The following B4GALNT4 variants were observed in gnomAD, a reference collection of about 807,000 sequenced individuals.
B4GALNT4 encodes N-acetyl-beta-glucosaminyl-glycoprotein 4-beta-N-acetylgalactosaminyltransferase 1.
A neutral mutation model predicts 110.0 loss-of-function variants in B4GALNT4; 77 were observed. The observed-to-expected ratio is 0.70, with a 90% CI of 0.58 to 0.85. The LOEUF (loss-of-function observed/expected upper bound fraction) is 0.85. B4GALNT4 is among the 40% of genes least tolerant of loss of function. B4GALNT4 has a pLI of 0.00. For synonymous variants in B4GALNT4, 785 were observed against 655.5 expected, an observed-to-expected ratio of 1.20 and a Z score of -3.02; for missense variants, 1,575 against 1,506.0, an observed-to-expected ratio of 1.05 and a Z score of -0.76.
chr11:380,595 C>T, intron 18 of B4GALNT4, 150 bp downstream of exon 18: 1 of 1,288,292 alleles, frequency 7.8e-7, no homozygotes, highest in South Asian at 1.3e-5. Context: ...AGTCCCCCCG[C>T]ACCAGCACAC....
intron 19 of B4GALNT4, among the ~76,000 whole-genome samples, chr11:381,382 TTCCTGACCACCTCTCCGC>T (rs1846873247): frequency 4.8e-4 from 14 of 28,962 alleles, no homozygotes; most frequent in Middle Eastern, 0.02. Context: ...CGGCCCCGGG[TTCCTGACCACCTCTCCGC>T]CCCCGGCCCC....
rs759462343 is a variant in B4GALNT4, at chr11:372,132, A to G, written c.175A>G (p.Thr59Ala). 6.5e-7 allele frequency: 1 copy of G among 1,549,624 alleles called. No individual in the cohort carries two copies. The highest frequency in any genetic ancestry group is 8.7e-7 in the Non-Finnish European group (1 of 1,146,808). Residue 59 changes from threonine to alanine, a missense_variant, in exon 2 of 20, where the codon ACC becomes GCC. Physicochemically the swap from Thr to Ala is moderately conservative, Grantham distance 58. Transcript: ENST00000329962. The part of the protein sequence containing the change: ...GRDGEKLTSE[T>A]DGRGVHAAPS... The stretch of plus-strand genomic sequence containing the variant: ...AGATGGTGAGAAGCTGACCAGTGAG[A>G]CCGACGGCCGGGGGGTCCACGCTGC...
In B4GALNT4 at chr11:379,949, G is replaced by C. The variant is rs201943669; in HGVS notation, c.2572G>C (p.Val858Leu). 952 of 1,612,344 alleles carry C rather than the reference G, an allele frequency of 5.9e-4. 9 individuals are homozygous for C. Among genetic ancestry groups the C allele is most frequent in the Non-Finnish European group, 9.8e-5 (116 of 1,179,854 alleles). ...HARTGDSRFS[V>L]VLVDFESEDM... ...GCGCACCGGGGACTCGCGTTTCAGC[G>C]TCGTCCTGGTGGATTTCGAGAGCGA... is the stretch of plus-strand genomic sequence containing the variant. The change falls in exon 16 of 20, where the codon GTC becomes CTC. Residue 858 changes from valine to leucine, a missense_variant. Val to Leu is a conservative substitution (Grantham distance 32). Transcript: ENST00000329962.
chr11:373,895 G>T (rs964553982), intron 8 of B4GALNT4, 67 bp downstream of exon 8: 29 of 1,497,194 alleles, frequency 1.9e-5, no homozygotes, highest in Admixed American at 1.2e-4. Flanking sequence ...CAGGACAACC[G>T]CAATGGGGTC....
In B4GALNT4 at chr11:375,765, T is replaced by C; in HGVS notation, c.977T>C (p.Phe326Ser). The C allele has an allele frequency of 6.3e-7, 1 of 1,598,366 alleles. No homozygotes were observed. Among genetic ancestry groups the C allele is most frequent in the Non-Finnish European group, 8.5e-7 (1 of 1,175,992 alleles). Residue 326 changes from phenylalanine (F) to serine (S), a missense_variant, in exon 10 of 20, where the codon TTT (phenylalanine) becomes TCT (serine). By Grantham distance (155) the Phe-to-Ser change is radical (BLOSUM62 -2). Coordinates refer to ENST00000329962, the MANE Select transcript of B4GALNT4 (RefSeq NM_178537.5). ...CTGCGGCCAGATCCCAGGGATACCTTTTTCCTCAGTGAGAGGGGGCCCGCG... is the reference window on the plus strand; with the variant it reads ...CTGCGGCCAGATCCCAGGGATACCTCTTTCCTCAGTGAGAGGGGGCCCGCG... ...DMLRPDPRDTFFLTPRMESSS... is the reference protein window; with the variant it reads ...DMLRPDPRDTSFLTPRMESSS...
Position 372,737 on chromosome 11 carries a change from C to A in B4GALNT4, c.331C>A (p.Pro111Thr), listed in dbSNP as rs1846639329. The A allele has an allele frequency of 3.1e-6, 5 of 1,610,746 alleles. No homozygotes were observed. Among genetic ancestry groups the A allele is most frequent in the Non-Finnish European group, 4.2e-6 (5 of 1,179,370 alleles). Reference sequence around the variant, plus strand: ...GCCACTGAACTTCACCCATCAGACACCCCCATGGCGGGAGGAGGTGAGCTG... The same window carrying A: ...GCCACTGAACTTCACCCATCAGACAACCCCATGGCGGGAGGAGGTGAGCTG... Reference protein sequence around the residue: ...RLPLNFTHQTPPWREEYKGQV... With the variant: ...RLPLNFTHQTTPWREEYKGQV... Residue 111 changes from proline (P) to threonine (T), a missense_variant, in exon 3 of 20, where the codon CCC (proline) becomes ACC (threonine). Physicochemically the swap from Pro to Thr is conservative, Grantham distance 38 (BLOSUM62 -1). Coordinates refer to ENST00000329962, the MANE Select transcript of B4GALNT4 (RefSeq NM_178537.5).
At chr11:371,516 G>A (rs1176783949) in intron 1 of B4GALNT4, among the ~76,000 whole-genome samples, 1 of 152,100 alleles carries the variant, frequency 6.6e-6, no homozygotes, top group East Asian at 1.9e-4. Flanking sequence ...GCCCCTCCTG[G>A]TCCTCCTACC....
chr11:373,541 C>T (rs367880649), intron 7 of B4GALNT4, 25 bp downstream of exon 7: 119 of 1,609,316 alleles, frequency 7.4e-5, no homozygotes, highest in East Asian at 2.2e-4. Context: ...GGTGCATGTG[C>T]GTGCACTTGT....
chr11:372,257 C>A (rs998062525), intron 2 of B4GALNT4, 45 bp downstream of exon 2: 2 of 1,512,730 alleles, frequency 1.3e-6, no homozygotes, highest in African/African-American at 1.4e-5. Flanking sequence ...GAGACGAGAC[C>A]CCGAAGCCAC....
chr11:373,674 G>A (rs781387302), intron 7 of B4GALNT4, 76 bp from the exon 8 acceptor site: 212 of 1,556,338 alleles, frequency 1.4e-4, no homozygotes, highest in Non-Finnish European at 1.7e-4. Flanking sequence ...GGGTGTGGGA[G>A]CCACCTGCCC....
rs868747029 is a variant in B4GALNT4 at position 372,552 on chromosome 11, G to A, written c.256-110G>A. ...CATGGCTGGGGCTCACGGGCATTTA[G>A]GGCTGTGTGGATACATGTTGGAAGG... On this transcript the variant is annotated intron_variant, in intron 2 of 19. Coordinates refer to ENST00000329962, the MANE Select transcript of B4GALNT4 (RefSeq NM_178537.5). 3.2e-4 allele frequency: 311 copies of A among 966,388 alleles called. 2 individuals are homozygous for A. Among genetic ancestry groups the A allele is most frequent in the Middle Eastern group, 2.2e-3 (8 of 3,708 alleles). 59.9% of individuals were successfully genotyped at this position (966,388 alleles called of 1,614,324 possible). A position where few individuals can be genotyped will look rare whatever the true frequency, so the allele number is the denominator to read the frequency against.
At chr11:372,828 A>T (rs769853871) in intron 3 of B4GALNT4, 24 bp from the exon 4 acceptor site, 1 of 1,587,146 alleles carries the variant, frequency 6.3e-7, no homozygotes, top group Non-Finnish European at 8.6e-7. Flanking sequence ...GGCCGTGCAG[A>T]AGGTAAGGCC....
At chr11:370,147 G>A (rs1361017694) in intron 1 of B4GALNT4, among the ~76,000 whole-genome samples, 193 bp downstream of exon 1, 2 of 151,244 alleles carry the variant, frequency 1.3e-5, no homozygotes, top group Non-Finnish European at 3.0e-5. Flanking sequence ...TCCGCTCTGC[G>A]ATTTGGGGGG....
At position 376,738 on chromosome 11, in the gene B4GALNT4, C is replaced by T. The variant is rs540054440; in HGVS notation, c.1615C>T (p.Arg539Trp). The T allele has an allele frequency of 2.2e-6, 3 of 1,395,226 alleles. No individual in the cohort carries two copies. Among genetic ancestry groups the T allele is most frequent in the Non-Finnish European group, 9.3e-7 (1 of 1,079,812 alleles). The allele number at this position is 1,395,226 out of a possible 1,614,324, so 86.4% of individuals were successfully genotyped here. ...RVRPGQRASP[R>W]APAPRAPWPP... ...GCGGCCGGGACAGCGGGCATCCCCC[C>T]GGGCCCCAGCGCCGCGTGCGCCCTG... is the stretch of plus-strand genomic sequence containing the variant. The change falls in exon 14 of 20, where the codon CGG (arginine) becomes TGG (tryptophan). Residue 539 changes from arginine to tryptophan, a missense_variant. By Grantham distance (101) the Arg-to-Trp change is moderately radical (BLOSUM62 -3). Transcript: ENST00000329962.
intron 16 of B4GALNT4, 24 bp from the exon 17 acceptor site, chr11:380,106 G>T: frequency 6.3e-7 from 1 of 1,595,076 alleles, no homozygotes; most frequent in Non-Finnish European, 8.6e-7. Context: ...CCCAGAGATC[G>T]TGCCTGTGAC....
chr11:371,939 C>T (rs1269148877), intron 1 of B4GALNT4, among the ~76,000 whole-genome samples, 170 bp from the exon 2 acceptor site: 4 of 152,290 alleles, frequency 2.6e-5, no homozygotes, highest in African/African-American at 7.2e-5. Flanking sequence ...GGGGGAGGGG[C>T]ATCTGGTGGC....
chr11:380,592 C>T, intron 18 of B4GALNT4, 147 bp downstream of exon 18: 1 of 1,308,278 alleles, frequency 7.6e-7, no homozygotes. Flanking sequence ...CCCAGTCCCC[C>T]CGCACCAGCA....
At chr11:374,453 C>T (rs1041257138) in intron 8 of B4GALNT4, among the ~76,000 whole-genome samples, 6 of 149,522 alleles carry the variant, frequency 4.0e-5, no homozygotes, top group African/African-American at 1.5e-4. Flanking sequence ...GTGGAGGGCA[C>T]GTTTCACCCC....
rs115079388 is a variant in B4GALNT4 at position 373,492 on chromosome 11, G to A, written c.680G>A (p.Ser227Asn). The A allele has an allele frequency of 8.7e-4, 1,398 of 1,603,914 alleles. 5 individuals are homozygous for A. The African/African-American group carries it at 0.017, about 19-fold the overall frequency. The change falls in exon 7 of 20, where the codon AGC (serine) becomes AAC (asparagine). Residue 227 changes from serine to asparagine, a missense_variant. Physicochemically the swap from Ser to Asn is conservative, Grantham distance 46. Transcript: ENST00000329962. ...WTAPGEFTKF[S>N]SQVSKPRRLM... Reference sequence around the variant, plus strand: ...GCGCCTGGAGAATTCACCAAGTTCAGCTCCCAGGTGTCCAAGCCCAGGCGG... The same window carrying A: ...GCGCCTGGAGAATTCACCAAGTTCAACTCCCAGGTGTCCAAGCCCAGGCGG...
Sources: allele counts gnomAD v4.1 joint callset (sites outside exome capture counted in the v4.1 genomes callset), GRCh38; gene constraint gnomAD v4.1.1; transcripts MANE v1.5; gene names NCBI Gene and HGNC (gene_info 2026-07-23, HGNC 2026-07-21).